Variants in BARD1 observed in about 807,000 individuals in gnomAD.
The protein encoded by BARD1 is BRCA1-associated RING domain protein 1.
Under a neutral mutation model 77.0 loss-of-function variants are expected in BARD1, and 73 were observed. The observed-to-expected ratio is 0.95, with a 90% CI of 0.79 to 1.15. The LOEUF is 1.15. Among genes scored for constraint, BARD1 ranks in the 50% most tolerant of loss-of-function variants. The pLI is 0.00. For missense variants in BARD1, 993 were observed against 938.8 expected (o/e 1.06, Z -0.75); for synonymous variants, 384 against 338.0 (o/e 1.14, Z -1.49).
chr2:214,765,406 T>C (rs969019888), intron 6 of BARD1, among the ~76,000 whole-genome samples: 1 of 152,172 alleles, frequency 6.6e-6, no homozygotes, highest in African/African-American at 2.4e-5. Context: ...TTTGGCTCAT[T>C]AATCCTCACT....
intron 1 of BARD1, among the ~76,000 whole-genome samples, chr2:214,806,451 A>C (rs1696274683): frequency 6.6e-6 from 1 of 152,210 alleles, no homozygotes; most frequent in South Asian, 2.1e-4. Flanking sequence ...TACCAGGGCA[A>C]AGGCAGAGGT....
chr2:214,772,271 C>T (rs774228320), intron 4 of BARD1, among the ~76,000 whole-genome samples: 5 of 152,074 alleles, frequency 3.3e-5, no homozygotes, highest in African/African-American at 4.8e-5. Flanking sequence ...ATATTCATAA[C>T]GGTTACAAAT....
In BARD1 at chr2:214,744,841, C is replaced by A. The variant is rs149290446; in HGVS notation, c.1903+226G>T. Among the ~76,000 whole-genome samples the A allele has an allele frequency of 0.021, 3,141 of 152,184 alleles. 97 individuals carry two copies. Among genetic ancestry groups the A allele is most frequent in the African/African-American group, 0.069 (2,861 of 41,508 alleles). On this transcript the variant is annotated intron_variant, in intron 9 of 10. Transcript: ENST00000260947. Reference sequence around the variant, plus strand: ...AGAGACAGGGCTTCACCGTGTTAGCCAGGATGATCTCGATCTCCTGGCCTT... The same window carrying A: ...AGAGACAGGGCTTCACCGTGTTAGCAAGGATGATCTCGATCTCCTGGCCTT...
At chr2:214,801,900 C>A (rs908384462) in intron 1 of BARD1, among the ~76,000 whole-genome samples, 1 of 149,746 alleles carries the variant, frequency 6.7e-6, no homozygotes, top group Admixed American at 6.8e-5. Flanking sequence ...TGCTCTGTCG[C>A]CCAGGCTGGA....
intron 6 of BARD1, among the ~76,000 whole-genome samples, chr2:214,763,362 G>C (rs189413542): frequency 2.9e-3 from 447 of 152,234 alleles, no homozygotes; most frequent in African/African-American, 9.2e-3. Flanking sequence ...ACTGTTCACT[G>C]TTCACTCCTA....
chr2:214,773,056 A>G (rs1694581171), intron 4 of BARD1, among the ~76,000 whole-genome samples: 1 of 152,214 alleles, frequency 6.6e-6, no homozygotes, highest in South Asian at 2.1e-4. Flanking sequence ...GCTGAAAATA[A>G]GAGTGTGTGT....
rs146185105 is a variant in BARD1, at chr2:214,802,834, T to C, written c.159-5717A>G. On this transcript the variant is annotated intron_variant, in intron 1 of 10. Coordinates refer to ENST00000260947, the MANE Select transcript of BARD1 (RefSeq NM_000465.4). ...CTTGAAAATTCAGCTACTCTACTTTTTCCCCATCTACAGTCATACTTCTGT... is the reference window on the plus strand; with the variant it reads ...CTTGAAAATTCAGCTACTCTACTTTCTCCCCATCTACAGTCATACTTCTGT... Among the ~76,000 whole-genome samples, 910 of 152,330 alleles carry C rather than the reference T, an allele frequency of 6.0e-3. 15 individuals are homozygous for C. Among genetic ancestry groups the C allele is most frequent in the African/African-American group, 0.02 (849 of 41,574 alleles).
At chr2:214,758,235 T>C (rs1373188952) in intron 6 of BARD1, among the ~76,000 whole-genome samples, 2 of 152,190 alleles carry the variant, frequency 1.3e-5, no homozygotes. Context: ...TTTACACGAA[T>C]TACTTAAATC....
chr2:214,765,129 G>A lies in BARD1; in HGVS notation c.1568+2353C>T, dbSNP rs939167608. On this transcript the variant is annotated intron_variant, in intron 6 of 10. Coordinates refer to ENST00000260947, the MANE Select transcript of BARD1 (RefSeq NM_000465.4). ...CTTGGTAGCAATAGCTAATTTTCAA[G>A]TGTTCAATAGTAAAGGTGACTAGTG... 2.6e-5 allele frequency among the ~76,000 whole-genome samples: 4 copies of A among 152,304 alleles called. No homozygotes were observed. In the East Asian group the frequency reaches 7.7e-4, roughly 29 times the overall value.
rs1174282161 is a variant in BARD1 at position 214,728,920 on chromosome 2, G to A, written c.2090C>T (p.Ala697Val). The A allele has an allele frequency of 1.2e-6, 2 of 1,614,038 alleles. No homozygotes were observed. The highest frequency in any genetic ancestry group is 1.3e-5 in the African/African-American group (1 of 74,918). The change falls in exon 11 of 11, where the codon GCA (alanine) becomes GTA (valine). Residue 697 changes from alanine to valine, a missense_variant. Coordinates refer to ENST00000260947, the MANE Select transcript of BARD1 (RefSeq NM_000465.4). ...TCTACTGAGGATCTGGCCCCCACCT[G>A]CAGTGACGAGCTTAATAAGGTTGTC... ...PKDNLIKLVT[A>V]GGGQILSRKP... is the part of the protein sequence containing the mutation.
chr2:214,783,362 C>T (rs1478813876), intron 3 of BARD1, among the ~76,000 whole-genome samples: 1 of 152,138 alleles, frequency 6.6e-6, no homozygotes. Flanking sequence ...CACATATACA[C>T]CATGGAATAC....
At chr2:214,733,358 G>A (rs1374231) in intron 9 of BARD1, among the ~76,000 whole-genome samples, 139,437 of 152,286 alleles carry the variant, frequency 0.92, 63,985 homozygotes, top group East Asian at 1. Flanking sequence ...TTTCATATAC[G>A]CTTTATACAG....
intron 6 of BARD1, among the ~76,000 whole-genome samples, chr2:214,763,549 C>T (rs1371946730): frequency 6.6e-6 from 1 of 152,140 alleles, no homozygotes; most frequent in Non-Finnish European, 1.5e-5. Context: ...TAGAAATTTA[C>T]AGTAAGCAAA....
chr2:214,779,874 G>A (rs1694899209), intron 4 of BARD1, among the ~76,000 whole-genome samples: 1 of 152,200 alleles, frequency 6.6e-6, no homozygotes, highest in African/African-American at 2.4e-5. Context: ...AAGCTATGGT[G>A]CCTACTGCTC....
At chr2:214,761,793 G>A (rs1176255063) in intron 6 of BARD1, among the ~76,000 whole-genome samples, 1 of 152,140 alleles carries the variant, frequency 6.6e-6, no homozygotes, top group Non-Finnish European at 1.5e-5. Context: ...TATTAGTATT[G>A]ACTATAACTC....
chr2:214,755,978 G>A (rs1248517705), intron 6 of BARD1, among the ~76,000 whole-genome samples: 2 of 152,088 alleles, frequency 1.3e-5, no homozygotes, highest in East Asian at 1.9e-4. Context: ...TACCACTTTC[G>A]ACAGTCAGTT....
intron 6 of BARD1, among the ~76,000 whole-genome samples, chr2:214,754,966 T>C: frequency 6.6e-6 from 1 of 151,964 alleles, no homozygotes; most frequent in African/African-American, 2.4e-5. Context: ...TCAAAGACCA[T>C]AGCAAGAGAA....
intron 4 of BARD1, among the ~76,000 whole-genome samples, chr2:214,778,548 G>T (rs1694836313): frequency 6.6e-6 from 1 of 151,990 alleles, no homozygotes; most frequent in African/African-American, 2.4e-5. Context: ...ACCAAGACAG[G>T]AGCATGCCAT....
chr2:214,783,636 G>A (rs1351276414), intron 3 of BARD1, among the ~76,000 whole-genome samples: 2 of 151,974 alleles, frequency 1.3e-5, no homozygotes, highest in African/African-American at 2.4e-5. Context: ...CCTAGAAGAC[G>A]GGTTGATAGG....
Sources: gnomAD v4.1 joint callset for allele counts (sites outside exome capture counted in the v4.1 genomes callset) on GRCh38, gnomAD v4.1.1 for gene constraint, MANE v1.5 for transcripts, NCBI Gene and HGNC (gene_info 2026-07-23, HGNC 2026-07-21) for gene names.